LAMA3: variants seen among roughly 807,000 people sequenced by gnomAD.
LAMA3 encodes laminin subunit alpha 3, also known as laminin subunit alpha-3.
A neutral mutation model predicts 402.0 loss-of-function variants in LAMA3; 281 were observed. That is an observed-to-expected ratio of 0.70 (90% CI 0.63 to 0.77). The LOEUF is 0.77. Ranked by LOEUF, LAMA3 falls within the 30% of genes least tolerant of loss-of-function variation. The pLI is 0.00. For synonymous variants in LAMA3, 1,431 were observed against 1,558.4 expected (o/e 0.92, Z 1.93); for missense variants, 3,840 against 4,215.5 (o/e 0.91, Z 2.47).
intron 55 of LAMA3, among the ~76,000 whole-genome samples, chr18:23,911,463 G>T (rs752636768): frequency 6.6e-6 from 1 of 152,076 alleles, no homozygotes; most frequent in Non-Finnish European, 1.5e-5. Context: ...TGGAAGCTTT[G>T]AACAATTTGA....
At position 23,861,774 on chromosome 18, in the gene LAMA3, C is replaced by T. The variant is rs1451214313; in HGVS notation, c.4551C>T (p.Ser1517=). Residue 1517 remains serine (S), a synonymous_variant, in exon 35 of 75, where the codon TCC becomes TCT. Transcript: ENST00000313654. ...QELPATIHSA[S]WVAPTSYLGD... is the part of the protein sequence containing the mutation. ...TGCCCGCAACCATCCACAGCGCGTC[C>T]TGGGTCGCACCCACCTCCTACCTGG... is the stretch of plus-strand genomic sequence containing the variant. The T allele has an allele frequency of 6.2e-7, 1 of 1,613,474 alleles. No homozygotes were observed. The highest frequency in any genetic ancestry group is 8.5e-7 in the Non-Finnish European group (1 of 1,179,758).
At chr18:23,794,236 G>T (rs1331981596) in intron 12 of LAMA3, among the ~76,000 whole-genome samples, 1 of 152,188 alleles carries the variant, frequency 6.6e-6, no homozygotes, top group Admixed American at 6.5e-5. Flanking sequence ...AATCACAAAG[G>T]TGGGGGAAGA....
At chr18:23,815,424 CT>C in intron 16 of LAMA3, 43 bp from the exon 17 acceptor site, 1 of 1,522,088 alleles carries the variant, frequency 6.6e-7, no homozygotes, top group East Asian at 2.3e-5. Flanking sequence ...TTAGTGAATT[CT>C]GTAATTATAT....
intron 38 of LAMA3, chr18:23,873,181 T>A (rs1164545053): frequency 1.2e-5 from 20 of 1,614,112 alleles, no homozygotes; most frequent in Non-Finnish European, 1.6e-5. Context: ...CAAAGTCAAC[T>A]GCAAGCGAGT....
chr18:23,949,732 G>A (rs2082836576), intron 70 of LAMA3, 33 bp from the exon 71 acceptor site: 1 of 1,611,778 alleles, frequency 6.2e-7, no homozygotes, highest in Non-Finnish European at 8.5e-7. Flanking sequence ...GGAGGTGTAG[G>A]TAATGAGCTT....
At chr18:23,802,442 C>T (rs1017974484) in intron 12 of LAMA3, among the ~76,000 whole-genome samples, 5 of 152,196 alleles carry the variant, frequency 3.3e-5, no homozygotes, top group African/African-American at 4.8e-5. Flanking sequence ...ACTTTAATCA[C>T]AAGACATGGT....
rs758213718 is a variant in LAMA3, at chr18:23,914,410, G to C, written c.7330G>C (p.Ala2444Pro). ...TTCTGAGGTGGCCCTTTGTCTCCAGGCCTCCCGGGACTACATCGGCATGGC... is the reference window on the plus strand; with the variant it reads ...TTCTGAGGTGGCCCTTTGTCTCCAGCCCTCCCGGGACTACATCGGCATGGC... ...MFVMYLGNKDASRDYIGMAVV... is the reference protein window; with the variant it reads ...MFVMYLGNKDPSRDYIGMAVV... The change falls in exon 57 of 75, where the codon GCC becomes CCC. Residue 2444 changes from alanine to proline, a missense_variant and splice_region_variant. Transcript: ENST00000313654. The C allele has an allele frequency of 1.2e-6, 2 of 1,614,000 alleles. No individual in the cohort carries two copies. Among genetic ancestry groups the C allele is most frequent in the East Asian group, 2.2e-5 (1 of 44,892 alleles).
chr18:23,795,881 T>C (rs963872975), intron 12 of LAMA3: 8 of 173,862 alleles, frequency 4.6e-5, no homozygotes, highest in Non-Finnish European at 8.7e-5. Context: ...TAACCCCCAG[T>C]GTGACTGTAT....
chr18:23,951,385 A>C (rs1263093356), intron 72 of LAMA3, among the ~76,000 whole-genome samples: 1 of 152,206 alleles, frequency 6.6e-6, no homozygotes, highest in Non-Finnish European at 1.5e-5. Context: ...TCCAATCAGT[A>C]ACCTTTGAGT....
intron 44 of LAMA3, among the ~76,000 whole-genome samples, chr18:23,895,847 T>G (rs2080858554): frequency 6.6e-6 from 1 of 152,230 alleles, no homozygotes; most frequent in Non-Finnish European, 1.5e-5. Flanking sequence ...CTATTCATTT[T>G]CTGGTTTCCT....
In LAMA3 at chr18:23,949,931, A is replaced by T; in HGVS notation, c.9511+7A>T. On this transcript the variant is annotated splice_region_variant and intron_variant, in intron 71 of 74. Coordinates refer to ENST00000313654, the MANE Select transcript of LAMA3 (RefSeq NM_198129.4). ...GGAGGTCATGTCGTCTTGGGTAAGG[A>T]GCAGTTCTATAGAATTTAAGTCTTT... 12 of 1,614,072 alleles carry T rather than the reference A, an allele frequency of 7.4e-6. No individual in the cohort carries two copies. The highest frequency in any genetic ancestry group is 1.0e-5 in the Non-Finnish European group (12 of 1,180,022).
chr18:23,899,703 G>A (rs1189964268), intron 47 of LAMA3: 1 of 415,472 alleles, frequency 2.4e-6, no homozygotes, highest in African/African-American at 2.0e-5. Context: ...GTTAGATATG[G>A]TTGCCTCTTT....
At chr18:23,723,364 G>C (rs896129017) in intron 2 of LAMA3, among the ~76,000 whole-genome samples, 3 of 152,198 alleles carry the variant, frequency 2.0e-5, no homozygotes, top group African/African-American at 7.2e-5. Context: ...GACTCAGTTA[G>C]TGGATTAATA....
intron 33 of LAMA3, 131 bp downstream of exon 33, chr18:23,858,119 T>G: frequency 9.1e-7 from 1 of 1,104,362 alleles, no homozygotes; most frequent in Non-Finnish European, 1.3e-6. Flanking sequence ...TATGTAGCAT[T>G]TTATAGTCAC....
intron 30 of LAMA3, among the ~76,000 whole-genome samples, chr18:23,845,414 A>G (rs1218758235): frequency 6.6e-6 from 1 of 152,126 alleles, no homozygotes; most frequent in Non-Finnish European, 1.5e-5. Context: ...TTCCCTCTCC[A>G]CTGTTTCCTG....
intron 6 of LAMA3, among the ~76,000 whole-genome samples, 174 bp downstream of exon 6, chr18:23,753,986 T>C (rs575784199): frequency 2.0e-5 from 3 of 152,114 alleles, no homozygotes; most frequent in Admixed American, 6.6e-5. Context: ...CCATTTTCTT[T>C]CACATAACCC....
At chr18:23,779,125 G>A (rs1315472242) in intron 11 of LAMA3, among the ~76,000 whole-genome samples, 1 of 152,144 alleles carries the variant, frequency 6.6e-6, no homozygotes, top group Admixed American at 6.5e-5. Flanking sequence ...TGGTAGGAAG[G>A]GAAGGCATCA....
intron 12 of LAMA3, among the ~76,000 whole-genome samples, chr18:23,807,397 A>G (rs1459908846): frequency 6.6e-6 from 1 of 152,174 alleles, no homozygotes; most frequent in Non-Finnish European, 1.5e-5. Flanking sequence ...CTAGATAGAT[A>G]GATAGGTACG....
chr18:23,849,614 A>G (rs1365623351), intron 32 of LAMA3, among the ~76,000 whole-genome samples: 2 of 152,216 alleles, frequency 1.3e-5, no homozygotes, highest in African/African-American at 4.8e-5. Context: ...AAGGTGATGG[A>G]TGGATTTACT....
Sources: gnomAD v4.1 joint callset for allele counts (sites outside exome capture counted in the v4.1 genomes callset) on GRCh38, gnomAD v4.1.1 for gene constraint, MANE v1.5 for transcripts, NCBI Gene and HGNC (gene_info 2026-07-23, HGNC 2026-07-21) for gene names.